DOCK2: variants seen among roughly 807,000 people sequenced by gnomAD.
DOCK2 encodes the protein dedicator of cytokinesis 2.
A neutral mutation model predicts 248.9 loss-of-function variants in DOCK2; 87 were observed. The ratio of observed to expected loss-of-function variants is 0.35; its 90% CI spans 0.29 to 0.42. The LOEUF is 0.42. DOCK2 is among the 10% of genes least tolerant of loss of function. The probability of loss-of-function intolerance (pLI) is 1.00; values close to 1 mark genes in which losing one functional copy is unlikely to be tolerated. For synonymous variants in DOCK2, 805 were observed against 821.6 expected (o/e 0.98, Z 0.35); for missense variants, 1,747 against 2,300.2 (o/e 0.76, Z 4.92).
At position 169,699,378 on chromosome 5, in the gene DOCK2, C is replaced by T; in HGVS notation, c.1056-4C>T. The T allele has an allele frequency of 6.2e-7, 1 of 1,612,636 alleles. No individual in the cohort carries two copies. Among genetic ancestry groups the T allele is most frequent in the Non-Finnish European group, 8.5e-7 (1 of 1,179,222 alleles). ...GACATTTCATGCTCTCTTTTCCTTT[C>T]CAGGGTTACAGCTGAGAATGACTTC... is the stretch of plus-strand genomic sequence containing the variant. On this transcript the variant is annotated splice_polypyrimidine_tract_variant and splice_region_variant and intron_variant, in intron 11 of 51. Transcript: ENST00000520908.
At chr5:169,895,570 C>A (rs528327086) in intron 27 of DOCK2, among the ~76,000 whole-genome samples, 1 of 152,176 alleles carries the variant, frequency 6.6e-6, no homozygotes, top group South Asian at 2.1e-4. Context: ...CCTAAAGCTC[C>A]TTCGGTGCCC....
At chr5:169,732,165 G>A (rs1012169764) in intron 22 of DOCK2, among the ~76,000 whole-genome samples, 1 of 152,102 alleles carries the variant, frequency 6.6e-6, no homozygotes, top group Admixed American at 6.5e-5. Flanking sequence ...TAAGCCACAG[G>A]TGATAATACT....
Position 169,651,600 on chromosome 5 carries a change from C to T in DOCK2, c.44-2803C>T, listed in dbSNP as rs562912922. 3.3e-5 allele frequency among the ~76,000 whole-genome samples: 5 copies of T among 152,308 alleles called. No homozygotes were observed. In the South Asian group the frequency reaches 1.0e-3, roughly 32 times the overall value. ...CTGTTGGAAGCCTCAGTTGCTTCCA[C>T]CATCCTGTCCAGTTCTACTGCCAAG... On this transcript the variant is annotated intron_variant, in intron 1 of 51. Coordinates refer to ENST00000520908, the MANE Select transcript of DOCK2 (RefSeq NM_004946.3).
chr5:169,986,056 T>C (rs938106600), intron 29 of DOCK2, 134 bp downstream of exon 29: 2 of 800,784 alleles, frequency 2.5e-6, no homozygotes, highest in Non-Finnish European at 3.7e-6. Context: ...TTTCTTTCTA[T>C]CTTTAAACCC....
intron 26 of DOCK2, among the ~76,000 whole-genome samples, chr5:169,804,494 G>GCA (rs1554102790): frequency 0.037 from 2,169 of 57,938 alleles, 66 homozygotes; most frequent in African/African-American, 0.074. Context: ...GTGCGCGCGC[G>GCA]CGTGCGCGTA....
At chr5:169,922,509 A>C (rs1453564476) in intron 27 of DOCK2, among the ~76,000 whole-genome samples, 1 of 152,230 alleles carries the variant, frequency 6.6e-6, no homozygotes, top group African/African-American at 2.4e-5. Context: ...ATCTAAGTAA[A>C]GTAGATCTTG....
intron 27 of DOCK2, among the ~76,000 whole-genome samples, chr5:169,906,446 T>G (rs1774284913): frequency 6.6e-6 from 1 of 152,200 alleles, no homozygotes; most frequent in Non-Finnish European, 1.5e-5. Context: ...AGGAGCAAAC[T>G]GAGATTTTTA....
At position 170,029,673 on chromosome 5, in the gene DOCK2, C is replaced by T. The variant is rs182111147; in HGVS notation, c.3467+1725C>T. On this transcript the variant is annotated intron_variant, in intron 34 of 51. Coordinates refer to ENST00000520908, the MANE Select transcript of DOCK2 (RefSeq NM_004946.3). ...TCTCCCGCGAGGCCTTCTCCTAAGG[C>T]TTAGGAACATGACCCAGACATCCCC... Among the ~76,000 whole-genome samples the T allele has an allele frequency of 1.9e-3, 288 of 152,336 alleles. 3 individuals carry two copies. The highest frequency in any genetic ancestry group is 1.8e-3 in the Non-Finnish European group (123 of 68,026).
intron 22 of DOCK2, among the ~76,000 whole-genome samples, chr5:169,735,951 G>GGA (rs144466698): frequency 0.044 from 6,422 of 146,706 alleles, 273 homozygotes; most frequent in African/African-American, 0.11. Context: ...GGGGGGAGAG[G>GGA]GAGAGAGAGA....
At chr5:170,041,653 C>G (rs1324226419) in intron 37 of DOCK2, among the ~76,000 whole-genome samples, 1 of 152,240 alleles carries the variant, frequency 6.6e-6, no homozygotes, top group Non-Finnish European at 1.5e-5. Flanking sequence ...CTGACTGACA[C>G]TGGCACCCAG....
At chr5:169,784,311 A>G (rs1204206413) in intron 25 of DOCK2, among the ~76,000 whole-genome samples, 1 of 152,206 alleles carries the variant, frequency 6.6e-6, no homozygotes, top group African/African-American at 2.4e-5. Flanking sequence ...ATTTCACAAA[A>G]CACAGACGGG....
At chr5:169,698,601 C>T (rs1760772218) in intron 11 of DOCK2, 152 bp downstream of exon 11, 6 of 739,082 alleles carry the variant, frequency 8.1e-6, no homozygotes, top group East Asian at 5.5e-5. Flanking sequence ...TGGCTCAGTG[C>T]CCAGGCACTC....
intron 32 of DOCK2, among the ~76,000 whole-genome samples, chr5:170,012,985 G>A (rs1326118309): frequency 6.6e-6 from 1 of 152,076 alleles, no homozygotes; most frequent in Admixed American, 6.5e-5. Flanking sequence ...GGAGGTCCAG[G>A]GAGTGGAGCT....
intron 27 of DOCK2, among the ~76,000 whole-genome samples, chr5:169,976,626 G>A (rs1777727103): frequency 6.6e-6 from 1 of 152,178 alleles, no homozygotes; most frequent in Non-Finnish European, 1.5e-5. Flanking sequence ...TCACATCACA[G>A]AGCCACAAGC....
intron 25 of DOCK2, among the ~76,000 whole-genome samples, chr5:169,787,620 T>G (rs964606594): frequency 2.0e-5 from 3 of 151,872 alleles, no homozygotes; most frequent in Non-Finnish European, 4.4e-5. Context: ...CTGTTGTGGC[T>G]CCCTTGTCCC....
intron 27 of DOCK2, among the ~76,000 whole-genome samples, chr5:169,948,182 A>G (rs1776520323): frequency 6.6e-6 from 1 of 152,172 alleles, no homozygotes; most frequent in African/African-American, 2.4e-5. Context: ...TCACTTGACA[A>G]ATAGTTATTT....
At chr5:169,872,511 A>C (rs568544172) in intron 27 of DOCK2, among the ~76,000 whole-genome samples, 1 of 152,170 alleles carries the variant, frequency 6.6e-6, no homozygotes. Context: ...CCCTTCTCCT[A>C]GGGCATCTAT....
chr5:169,737,282 T>A (rs1374862063), intron 22 of DOCK2, among the ~76,000 whole-genome samples: 1 of 151,960 alleles, frequency 6.6e-6, no homozygotes, highest in Non-Finnish European at 1.5e-5. Flanking sequence ...AAGTCTAGGG[T>A]GGCTGGAATT....
chr5:169,750,593 G>A (rs928891836), intron 23 of DOCK2, among the ~76,000 whole-genome samples: 3 of 152,212 alleles, frequency 2.0e-5, no homozygotes, highest in African/African-American at 7.2e-5. Flanking sequence ...GTTCTTGTCT[G>A]GGTAGCTGTG....
Sources: gnomAD v4.1 joint callset for allele counts (sites outside exome capture counted in the v4.1 genomes callset) on GRCh38, gnomAD v4.1.1 for gene constraint, MANE v1.5 for transcripts, NCBI Gene and HGNC (gene_info 2026-07-23, HGNC 2026-07-21) for gene names.